Variants in ADCY10 observed in about 807,000 individuals in gnomAD.
The protein encoded by ADCY10 is adenylate cyclase 10.
ADCY10 carries 156 observed loss-of-function variants against 183.3 expected under a neutral mutation model. That is an observed-to-expected ratio of 0.85 (90% CI 0.75 to 0.97). ADCY10 has a LOEUF of 0.97. Ranked by LOEUF, ADCY10 falls within the 50% of genes least tolerant of loss-of-function variation. The probability of loss-of-function intolerance (pLI) is 0.00; values close to 1 mark genes in which losing one functional copy is unlikely to be tolerated. For synonymous variants in ADCY10, 645 were observed against 670.0 expected, an observed-to-expected ratio of 0.96 and a Z score of 0.58; for missense variants, 1,745 against 1,934.3, an observed-to-expected ratio of 0.90 and a Z score of 1.84.
At position 167,896,672 on chromosome 1, in the gene ADCY10, G is replaced by A; in HGVS notation, c.662C>T (p.Pro221Leu). The A allele has an allele frequency of 1.2e-6, 2 of 1,612,266 alleles. No individual in the cohort carries two copies. The highest frequency in any genetic ancestry group is 1.7e-6 in the Non-Finnish European group (2 of 1,178,450). ...RAVKVNFLKP[P>L]PNFNFDEFFT... ...AAATTCATCAAAATTAAAATTGGGG[G>A]GTGGTTTTAAGAAGTTAACCTAAAT... is the stretch of plus-strand genomic sequence containing the variant. Residue 221 changes from proline to leucine, a missense_variant, in exon 7 of 33, where the codon CCC becomes CTC. Physicochemically the swap from Pro to Leu is moderately conservative, Grantham distance 98. Transcript: ENST00000367851.
chr1:167,845,605 T>C lies in ADCY10; in HGVS notation c.2965A>G (p.Met989Val), dbSNP rs774072657. The change falls in exon 21 of 33, where the codon ATG (methionine) becomes GTG (valine). Residue 989 changes from methionine (M) to valine (V), a missense_variant. Met to Val is a conservative substitution (Grantham distance 21). Transcript: ENST00000367851. ...TVNIRLNALD[M>V]DAIKKMAMSH... ...ATAGCCATCTTTTTAATGGCATCCA[T>C]GTCTAAAGCGTTGAGCCGAATATTC... 1 of 1,614,262 alleles carries C rather than the reference T, an allele frequency of 6.2e-7. No homozygotes were observed. Among genetic ancestry groups the C allele is most frequent in the African/African-American group, 1.3e-5 (1 of 75,074 alleles).
chr1:167,831,485 C>A (rs1022884564), intron 25 of ADCY10, among the ~76,000 whole-genome samples: 1 of 152,222 alleles, frequency 6.6e-6, no homozygotes, highest in South Asian at 2.1e-4. Flanking sequence ...TGAGCCACAA[C>A]ACCCAGCCCT....
In ADCY10 at chr1:167,875,122, A is replaced by G. The variant is rs771291104; in HGVS notation, c.1462+9T>C. ...ATAAAGAAGTTTAAAATCAAGGCCT[A>G]CTACCTACCCAGCAAAGGGTAATCC... On this transcript the variant is annotated intron_variant, in intron 13 of 32. Transcript: ENST00000367851. 4.3e-6 allele frequency: 7 copies of G among 1,613,386 alleles called. No homozygotes were observed. The South Asian group carries it at 6.6e-5, about 15-fold the overall frequency.
chr1:167,848,076 T>C (rs1305687008), intron 19 of ADCY10, among the ~76,000 whole-genome samples: 1 of 149,968 alleles, frequency 6.7e-6, no homozygotes, highest in Non-Finnish European at 1.5e-5. Context: ...TTTCTTTTCT[T>C]TTTTTTTTTG....
intron 21 of ADCY10, among the ~76,000 whole-genome samples, chr1:167,837,625 G>A (rs1033687595): frequency 1.3e-4 from 20 of 152,312 alleles, no homozygotes; most frequent in South Asian, 1.0e-3. Flanking sequence ...GTTGGGAGGA[G>A]CCTGGGTCCC....
At position 167,875,204 on chromosome 1, in the gene ADCY10, A is replaced by T; in HGVS notation, c.1407-18T>A. ...CAAACATGCTGAAGAGAAGAACAAA[A>T]GAACAGATGCTAGATTCAAAACAGG... On this transcript the variant is annotated intron_variant, in intron 12 of 32. Transcript: ENST00000367851. 6.2e-7 allele frequency: 1 copy of T among 1,613,170 alleles called. No individual in the cohort carries two copies. Among genetic ancestry groups the T allele is most frequent in the South Asian group, 1.1e-5 (1 of 91,058 alleles).
chr1:167,825,322 CTT>C (rs34844073), intron 26 of ADCY10, among the ~76,000 whole-genome samples: 54,308 of 141,318 alleles, frequency 0.38, 10,186 homozygotes, highest in Non-Finnish European at 0.43. Context: ...GTTTGTTTGG[CTT>C]TTTTTTTTTT....
At position 167,848,371 on chromosome 1, in the gene ADCY10, C is replaced by T. The variant is rs745925286; in HGVS notation, c.2427G>A (p.Thr809=). The T allele has an allele frequency of 3.7e-6, 6 of 1,613,500 alleles. No homozygotes were observed. The highest frequency in any genetic ancestry group is 1.3e-5 in the African/African-American group (1 of 74,974). Residue 809 remains threonine, a synonymous_variant, in exon 19 of 33, where the codon ACG becomes ACA. Transcript: ENST00000367851. ...GCCAGATTTTCTTACCTTTTAATGA[C>T]GTTGGAGGTGACAGGTTTTTCAGTC... The part of the protein sequence containing the change: ...GVRLKNLSPP[T]SLKEISLIQL...
At chr1:167,903,117 A>C (rs886726122) in intron 3 of ADCY10, among the ~76,000 whole-genome samples, 1 of 150,810 alleles carries the variant, frequency 6.6e-6, no homozygotes. Context: ...ATTGCTGGGC[A>C]TGGTGGCGCA....
At chr1:167,818,043 T>C (rs749149941) in intron 31 of ADCY10, 29 bp downstream of exon 31, 6 of 1,604,488 alleles carry the variant, frequency 3.7e-6, no homozygotes, top group African/African-American at 1.3e-5. Flanking sequence ...AGGCATATTT[T>C]ATACTGGAAA....
At position 167,848,383 on chromosome 1, in the gene ADCY10, C is replaced by G; in HGVS notation, c.2415G>C (p.Leu805=). The G allele has an allele frequency of 6.2e-7, 1 of 1,613,864 alleles. No homozygotes were observed. The highest frequency in any genetic ancestry group is 8.5e-7 in the Non-Finnish European group (1 of 1,179,884). The change falls in exon 19 of 33, where the codon CTG becomes CTC. Residue 805 remains leucine (L), a synonymous_variant. Coordinates refer to ENST00000367851, the MANE Select transcript of ADCY10 (RefSeq NM_018417.6). ...HLTSGVRLKN[L]SPPTSLKEIS... ...TACCTTTTAATGACGTTGGAGGTGA[C>G]AGGTTTTTCAGTCTGACACCACTTG...
intron 18 of ADCY10, among the ~76,000 whole-genome samples, chr1:167,849,220 A>G (rs1295700810): frequency 1.3e-5 from 2 of 152,210 alleles, no homozygotes; most frequent in African/African-American, 2.4e-5. Flanking sequence ...ACTCAGTTAC[A>G]AACACATTCT....
chr1:167,900,244 C>T (rs536306861), intron 5 of ADCY10, among the ~76,000 whole-genome samples: 1 of 152,272 alleles, frequency 6.6e-6, no homozygotes, highest in African/African-American at 2.4e-5. Flanking sequence ...GTAATACAAT[C>T]AATGTTTATT....
rs749966664 is a variant in ADCY10 at position 167,883,642 on chromosome 1, A to C, written c.829-14T>G. 3 of 1,614,108 alleles carry C rather than the reference A, an allele frequency of 1.9e-6. No homozygotes were observed. In the South Asian group the frequency reaches 3.3e-5, roughly 18 times the overall value. ...TTTGTTATCAATCTGCAAAGTAGAGAGCAGCTTTCTGTAGGTGTCCTTGGC... is the reference window on the plus strand; with the variant it reads ...TTTGTTATCAATCTGCAAAGTAGAGCGCAGCTTTCTGTAGGTGTCCTTGGC... On this transcript the variant is annotated splice_polypyrimidine_tract_variant and intron_variant, in intron 8 of 32. Transcript: ENST00000367851.
intron 8 of ADCY10, among the ~76,000 whole-genome samples, chr1:167,891,560 G>A (rs904825779): frequency 1.3e-5 from 2 of 151,440 alleles, no homozygotes; most frequent in Non-Finnish European, 2.9e-5. Context: ...GGAGGCTGAG[G>A]CAGGAGAATG....
intron 30 of ADCY10, chr1:167,820,062 A>G: frequency 6.4e-7 from 1 of 1,573,454 alleles, no homozygotes; most frequent in South Asian, 1.1e-5. Flanking sequence ...CTCTTTCGTT[A>G]CTCATCCTTG....
intron 21 of ADCY10, among the ~76,000 whole-genome samples, chr1:167,839,518 TA>T (rs1380767220): frequency 4.6e-5 from 7 of 152,166 alleles, no homozygotes; most frequent in Non-Finnish European, 8.8e-5. Context: ...TAATAATAAA[TA>T]AATTTAAGCC....
At chr1:167,885,805 G>A (rs900808770) in intron 8 of ADCY10, among the ~76,000 whole-genome samples, 12 of 151,898 alleles carry the variant, frequency 7.9e-5, no homozygotes, top group East Asian at 3.9e-4. Flanking sequence ...TAGTAGAGAC[G>A]GGGTTTCACC....
At position 167,893,920 on chromosome 1, in the gene ADCY10, G is replaced by A. The variant is rs372120132; in HGVS notation, c.761C>T (p.Thr254Met). The A allele has an allele frequency of 2.6e-5, 42 of 1,613,322 alleles. No individual in the cohort carries two copies. The highest frequency in any genetic ancestry group is 1.5e-4 in the African/African-American group (11 of 74,852). ...CTCCAGTTCAGGATCAGGCTTCAGC[G>A]TGCATGCAAGCCTCAGGAGGTCTAA... Reference protein sequence around the residue: ...EHKNLLRLACTLKPDPELEMS... With the variant: ...EHKNLLRLACMLKPDPELEMS... Residue 254 changes from threonine to methionine, a missense_variant, in exon 8 of 33, where the codon ACG (threonine) becomes ATG (methionine). By Grantham distance (81) the Thr-to-Met change is moderately conservative. Transcript: ENST00000367851.
Sources: gnomAD v4.1 joint callset for allele counts (sites outside exome capture counted in the v4.1 genomes callset) on GRCh38, gnomAD v4.1.1 for gene constraint, MANE v1.5 for transcripts, NCBI Gene and HGNC (gene_info 2026-07-23, HGNC 2026-07-21) for gene names.